LRRK2: variants seen among roughly 807,000 people sequenced by gnomAD.
LRRK2 encodes leucine rich repeat kinase 2, also known as leucine-rich repeat serine/threonine-protein kinase 2.
Under a neutral mutation model 302.6 loss-of-function variants are expected in LRRK2, and 203 were observed. The observed-to-expected ratio is 0.67, with a 90% CI of 0.60 to 0.75. LRRK2 has a LOEUF of 0.75. Ranked by LOEUF, LRRK2 falls within the 30% of genes least tolerant of loss-of-function variation. The pLI, the probability that LRRK2 is intolerant of heterozygous loss-of-function variation, is 0.00. For missense variants in LRRK2, 2,830 were observed against 2,951.0 expected (o/e 0.96, Z 0.95); for synonymous variants, 1,066 against 1,031.9 (o/e 1.03, Z -0.63).
In LRRK2 at chr12:40,280,625, A is replaced by AATAAC. The variant is rs56914389; in HGVS notation, c.2241+2368_2241+2369insCATAA. On this transcript the variant is annotated intron_variant, in intron 18 of 50. Coordinates refer to ENST00000298910, the MANE Select transcript of LRRK2 (RefSeq NM_198578.4). Reference sequence around the variant, plus strand: ...AGGCAACAGAGCCAGACCCTGTTAAAATAAAATAAAATAAAATAAAATAAA... The same window carrying AATAAC: ...AGGCAACAGAGCCAGACCCTGTTAAAATAACATAAAATAAAATAAAATAAAATAAA... 3.4e-5 allele frequency among the ~76,000 whole-genome samples: 5 copies of AATAAC among 147,096 alleles called. No homozygotes were observed. The East Asian group carries it at 9.9e-4, about 29-fold the overall frequency.
chr12:40,242,974 A>G (rs958207508), intron 6 of LRRK2, among the ~76,000 whole-genome samples: 3 of 150,974 alleles, frequency 2.0e-5, no homozygotes, highest in Admixed American at 1.3e-4. Flanking sequence ...ATTAAATTCT[A>G]TAATATTCAC....
intron 11 of LRRK2, among the ~76,000 whole-genome samples, chr12:40,254,285 C>T (rs567486909): frequency 6.6e-6 from 1 of 152,232 alleles, no homozygotes; most frequent in East Asian, 1.9e-4. Flanking sequence ...AAGCAACCAC[C>T]TCATGCATGT....
Position 40,363,679 on chromosome 12 carries a change from A to T in LRRK2, c.7181+125A>T. 4 of 1,017,588 alleles carry T rather than the reference A, an allele frequency of 3.9e-6. No individual in the cohort carries two copies. In the South Asian group the frequency reaches 6.0e-5, roughly 15 times the overall value. 63.0% of individuals were successfully genotyped at this position (1,017,588 alleles called of 1,614,324 possible). A position where few individuals can be genotyped will look rare whatever the true frequency, so the allele number is the denominator to read the frequency against. On this transcript the variant is annotated intron_variant, in intron 48 of 50. Transcript: ENST00000298910. ...GAATTTTTTTAAAATGCAGAAAAAA[A>T]TTTGTAATGCTTCTCAGCACCATCT...
chr12:40,229,988 C>T (rs1247490694), intron 2 of LRRK2, among the ~76,000 whole-genome samples: 1 of 131,728 alleles, frequency 7.6e-6, no homozygotes, highest in Non-Finnish European at 1.6e-5. Context: ...TTTTTTACCA[C>T]CAGAAGCTGT....
chr12:40,256,340 G>A (rs1251876567), intron 11 of LRRK2, among the ~76,000 whole-genome samples: 1 of 152,108 alleles, frequency 6.6e-6, no homozygotes, highest in African/African-American at 2.4e-5. Context: ...CCTGGTACTT[G>A]GAGGCTGAGA....
intron 7 of LRRK2, among the ~76,000 whole-genome samples, chr12:40,247,459 A>G (rs1592155831): frequency 1.3e-5 from 2 of 148,616 alleles, no homozygotes; most frequent in East Asian, 3.9e-4. Flanking sequence ...AAAAATATGT[A>G]TATAAATATA....
intron 8 of LRRK2, 126 bp from the exon 9 acceptor site, chr12:40,251,106 C>A: frequency 1.7e-6 from 1 of 586,068 alleles, no homozygotes; most frequent in Non-Finnish European, 2.9e-6. Context: ...TTATAATTGA[C>A]CAAGGCTTCT....
intron 14 of LRRK2, among the ~76,000 whole-genome samples, chr12:40,266,152 G>T (rs1459236194): frequency 6.6e-6 from 1 of 152,106 alleles, no homozygotes; most frequent in Non-Finnish European, 1.5e-5. Flanking sequence ...ATTGACAAAT[G>T]GGATCTAATT....
Position 40,278,208 on chromosome 12 carries a change from C to T in LRRK2, c.2188C>T (p.Leu730=). The T allele has an allele frequency of 6.2e-7, 1 of 1,614,088 alleles. No homozygotes were observed. Among genetic ancestry groups the T allele is most frequent in the Non-Finnish European group, 8.5e-7 (1 of 1,179,990 alleles). Residue 730 remains leucine, a synonymous_variant, in exon 18 of 51, where the codon CTA becomes TTA. Transcript: ENST00000298910. ...NNSIMVECLL[L]LGADANQAKE... Reference sequence around the variant, plus strand: ...CAGCATCATGGTTGAATGCTTGCTTCTATTGGGAGCAGATGCCAATCAAGC... The same window carrying T: ...CAGCATCATGGTTGAATGCTTGCTTTTATTGGGAGCAGATGCCAATCAAGC...
chr12:40,265,508 G>A (rs1361338371), intron 14 of LRRK2, among the ~76,000 whole-genome samples: 1 of 152,170 alleles, frequency 6.6e-6, no homozygotes, highest in Non-Finnish European at 1.5e-5. Context: ...TCCCTTTGTG[G>A]GAGTTGTACA....
At chr12:40,245,547 A>T (rs1941943266) in intron 7 of LRRK2, among the ~76,000 whole-genome samples, 1 of 152,052 alleles carries the variant, frequency 6.6e-6, no homozygotes, top group Admixed American at 6.6e-5. Context: ...TTACTATTCC[A>T]TGCAAATTAC....
intron 30 of LRRK2, among the ~76,000 whole-genome samples, chr12:40,309,554 T>A (rs1944965897): frequency 6.6e-6 from 1 of 152,124 alleles, no homozygotes; most frequent in Non-Finnish European, 1.5e-5. Flanking sequence ...TAATTTAAAA[T>A]AAGCTATATT....
intron 19 of LRRK2, 127 bp from the exon 20 acceptor site, chr12:40,287,224 T>G: frequency 1.2e-6 from 1 of 819,008 alleles, no homozygotes; most frequent in East Asian, 2.7e-5. Context: ...TAGTGTAAGG[T>G]GACTTTGAAA....
intron 2 of LRRK2, among the ~76,000 whole-genome samples, chr12:40,231,373 C>T (rs577449575): frequency 1.3e-3 from 162 of 123,788 alleles, no homozygotes; most frequent in Non-Finnish European, 1.8e-3. Context: ...GGCAACAGAG[C>T]GAGACCCCTG....
chr12:40,307,371 A>G (rs1455062671), intron 28 of LRRK2, among the ~76,000 whole-genome samples: 1 of 152,118 alleles, frequency 6.6e-6, no homozygotes, highest in Non-Finnish European at 1.5e-5. Flanking sequence ...ATTTCAAAAT[A>G]TATCTTTCTC....
At chr12:40,287,132 T>C (rs1190199949) in intron 19 of LRRK2, among the ~76,000 whole-genome samples, 1 of 151,994 alleles carries the variant, frequency 6.6e-6, no homozygotes, top group Non-Finnish European at 1.5e-5. Flanking sequence ...TCAGTTTTGC[T>C]GTCTACATGA....
intron 19 of LRRK2, among the ~76,000 whole-genome samples, chr12:40,286,007 A>C (rs1943912820): frequency 1.3e-5 from 2 of 151,972 alleles, no homozygotes; most frequent in South Asian, 4.1e-4. Flanking sequence ...TATGCCAAAA[A>C]CCTGCTTACT....
chr12:40,237,929 G>A (rs766033609), intron 4 of LRRK2, 40 bp from the exon 5 acceptor site: 4 of 1,588,090 alleles, frequency 2.5e-6, no homozygotes, highest in Non-Finnish European at 3.4e-6. Flanking sequence ...AAATGTTAAA[G>A]CAGCTCTTTA....
chr12:40,284,364 T>C (rs1008760792), intron 19 of LRRK2, among the ~76,000 whole-genome samples: 1 of 151,542 alleles, frequency 6.6e-6, no homozygotes, highest in Non-Finnish European at 1.5e-5. Context: ...GTGGAAGCTT[T>C]TTGAAGGGGT....
Sources: allele counts gnomAD v4.1 joint callset (sites outside exome capture counted in the v4.1 genomes callset), GRCh38; gene constraint gnomAD v4.1.1; transcripts MANE v1.5; gene names NCBI Gene and HGNC (gene_info 2026-07-23, HGNC 2026-07-21).